Variants in HSD17B12 observed in about 807,000 individuals in gnomAD.
The protein encoded by HSD17B12 is hydroxysteroid 17-beta dehydrogenase 12.
Under a neutral mutation model 39.3 loss-of-function variants are expected in HSD17B12, and 32 were observed. That is an observed-to-expected ratio of 0.81 (90% CI 0.61 to 1.09). The LOEUF (loss-of-function observed/expected upper bound fraction) is 1.09, where lower values mean the gene tolerates loss of function less well. Among genes scored for constraint, HSD17B12 ranks in the 50% least tolerant of loss-of-function variants. The pLI is 0.00. For missense variants in HSD17B12, 342 were observed against 382.9 expected, an observed-to-expected ratio of 0.89 and a Z score of 0.89; for synonymous variants, 150 against 146.7, an observed-to-expected ratio of 1.02 and a Z score of -0.16.
intron 3 of HSD17B12, among the ~76,000 whole-genome samples, chr11:43,790,214 C>T (rs1019805747): frequency 1.1e-4 from 16 of 152,212 alleles, no homozygotes; most frequent in Admixed American, 3.3e-4. Context: ...AATACTTGGA[C>T]GCTAAAAGCA....
intron 1 of HSD17B12, among the ~76,000 whole-genome samples, chr11:43,724,628 AG>A (rs1950205018): frequency 6.6e-6 from 1 of 152,106 alleles, no homozygotes; most frequent in South Asian, 2.1e-4. Context: ...CTCATGGCAG[AG>A]GGGGCAAATG....
intron 3 of HSD17B12, among the ~76,000 whole-genome samples, chr11:43,785,552 T>G (rs1950808206): frequency 6.6e-6 from 1 of 152,190 alleles, no homozygotes; most frequent in Non-Finnish European, 1.5e-5. Context: ...CATATCTACT[T>G]CTGCATTCAG....
At chr11:43,664,056 G>C in the HSD17B12 span, among the ~76,000 whole-genome samples, 1 of 151,812 alleles carries the variant, frequency 6.6e-6, no homozygotes, top group African/African-American at 2.4e-5. Flanking sequence ...CATCATATTG[G>C]TCAGGCTGGT....
intron 3 of HSD17B12, among the ~76,000 whole-genome samples, chr11:43,758,218 G>A (rs866858990): frequency 3.5e-4 from 53 of 152,274 alleles, no homozygotes; most frequent in African/African-American, 1.3e-3. Flanking sequence ...GGGTGTCAGT[G>A]AGGGATATTT....
the HSD17B12 span, among the ~76,000 whole-genome samples, chr11:43,667,108 G>A: frequency 6.6e-6 from 1 of 152,150 alleles, no homozygotes; most frequent in African/African-American, 2.4e-5. Flanking sequence ...GAAAAGTAGA[G>A]ATAACTGATA....
At chr11:43,844,920 G>A (rs1470601649) in intron 9 of HSD17B12, among the ~76,000 whole-genome samples, 1 of 152,200 alleles carries the variant, frequency 6.6e-6, no homozygotes, top group Non-Finnish European at 1.5e-5. Context: ...TGGAGAGTAA[G>A]TGCAAACATT....
chr11:43,836,225 G>A (rs1455041188), intron 7 of HSD17B12, among the ~76,000 whole-genome samples: 2 of 152,130 alleles, frequency 1.3e-5, no homozygotes, highest in Non-Finnish European at 2.9e-5. Flanking sequence ...TCATTTTTCT[G>A]CATCTACTTC....
intron 3 of HSD17B12, chr11:43,754,813 A>G: frequency 2.7e-6 from 2 of 746,404 alleles, no homozygotes; most frequent in South Asian, 1.4e-5. Flanking sequence ...TGTGTTAGGA[A>G]AAATAGAAAA....
chr11:43,764,001 A>G (rs1288083248), intron 3 of HSD17B12, among the ~76,000 whole-genome samples: 1 of 152,114 alleles, frequency 6.6e-6, no homozygotes, highest in Non-Finnish European at 1.5e-5. Flanking sequence ...CTTAGTTTAA[A>G]TGATTTGGGG....
intron 10 of HSD17B12, 38 bp from the exon 11 acceptor site, chr11:43,855,106 G>T: frequency 7.3e-7 from 1 of 1,378,022 alleles, no homozygotes. Context: ...CCAAATTGTA[G>T]GCTATAATTA....
intron 1 of HSD17B12, among the ~76,000 whole-genome samples, chr11:43,726,033 AAAT>A (rs1404237386): frequency 6.6e-6 from 1 of 152,204 alleles, no homozygotes; most frequent in African/African-American, 2.4e-5. Flanking sequence ...GTTAACAATC[AAAT>A]AATAATAGTG....
chr11:43,686,189 T>C (rs897078902), intron 1 of HSD17B12, among the ~76,000 whole-genome samples: 1 of 152,244 alleles, frequency 6.6e-6, no homozygotes, highest in Non-Finnish European at 1.5e-5. Flanking sequence ...GGGGTATAGA[T>C]ACCTGTTCTT....
intron 1 of HSD17B12, among the ~76,000 whole-genome samples, chr11:43,686,125 C>T (rs1205150401): frequency 6.6e-6 from 1 of 152,100 alleles, no homozygotes; most frequent in Non-Finnish European, 1.5e-5. Context: ...TTAGTGACTC[C>T]CTGGAGGTCC....
At chr11:43,755,162 T>A (rs1950498011) in intron 3 of HSD17B12, 2 of 289,960 alleles carry the variant, frequency 6.9e-6, no homozygotes, top group African/African-American at 4.3e-5. Context: ...GAACTATTAG[T>A]GTAAAAGCTA....
At chr11:43,731,548 G>A (rs894448143) in intron 1 of HSD17B12, among the ~76,000 whole-genome samples, 1 of 152,172 alleles carries the variant, frequency 6.6e-6, no homozygotes, top group Non-Finnish European at 1.5e-5. Context: ...TATAACTAAG[G>A]AGATGTTTAA....
chr11:43,618,451 C>T, the HSD17B12 span, among the ~76,000 whole-genome samples: 1 of 152,166 alleles, frequency 6.6e-6, no homozygotes, highest in Non-Finnish European at 1.5e-5. Context: ...TATTCTTTTA[C>T]ACTCTGTATA....
rs541549714 is a variant in HSD17B12, at chr11:43,851,770, C to A, written c.685-2945C>A. Among the ~76,000 whole-genome samples, 6 of 152,124 alleles carry A rather than the reference C, an allele frequency of 3.9e-5. No individual in the cohort carries two copies. The East Asian group carries it at 9.6e-4, about 24-fold the overall frequency. ...ATTAAAATATATGAATATGACCAAG[C>A]CTTCATGGAGCTTGTGTTCTAGAAA... On this transcript the variant is annotated intron_variant, in intron 9 of 10. Coordinates refer to ENST00000278353, the MANE Select transcript of HSD17B12 (RefSeq NM_016142.3).
chr11:43,557,683 C>T, the HSD17B12 span, among the ~76,000 whole-genome samples: 2 of 152,148 alleles, frequency 1.3e-5, no homozygotes, highest in Admixed American at 1.3e-4. Flanking sequence ...TAGAGGAAAA[C>T]CGCCTGAAAA....
chr11:43,688,096 C>T (rs1196577429), intron 1 of HSD17B12, among the ~76,000 whole-genome samples: 3 of 152,122 alleles, frequency 2.0e-5, no homozygotes, highest in African/African-American at 7.2e-5. Flanking sequence ...CCTGTAGTCC[C>T]CGCTACTCGG....
Sources: gnomAD v4.1 joint callset for allele counts (sites outside exome capture counted in the v4.1 genomes callset) on GRCh38, gnomAD v4.1.1 for gene constraint, MANE v1.5 for transcripts, NCBI Gene and HGNC (gene_info 2026-07-23, HGNC 2026-07-21) for gene names.